The following LGI2 variants were observed in gnomAD, a reference collection of about 807,000 sequenced individuals.
LGI2 encodes the protein leucine rich repeat LGI family member 2.
LGI2 carries 30 observed loss-of-function variants against 52.0 expected under a neutral mutation model. The ratio of observed to expected loss-of-function variants is 0.58; its 90% CI spans 0.43 to 0.78. The LOEUF (loss-of-function observed/expected upper bound fraction) is 0.78, where lower values mean the gene tolerates loss of function less well. Among genes scored for constraint, LGI2 ranks in the 30% least tolerant of loss-of-function variants. LGI2 has a pLI of 0.00. For synonymous variants in LGI2, 270 were observed against 271.8 expected (o/e 0.99, Z 0.06); for missense variants, 573 against 692.5 (o/e 0.83, Z 1.94).
Position 25,012,432 on chromosome 4 carries a change from A to G in LGI2, c.723T>C (p.Asp241=). The change falls in exon 7 of 8, where the codon GAT becomes GAC. Residue 241 remains aspartate (D), a synonymous_variant. Coordinates refer to ENST00000382114, the MANE Select transcript of LGI2 (RefSeq NM_018176.4). ...TGGGCTGCGCGATGGCCACGTACACATCGTTCTTGGAGTTGAACGTATCCA... is the reference window on the plus strand; with the variant it reads ...TGGGCTGCGCGATGGCCACGTACACGTCGTTCTTGGAGTTGAACGTATCCA... ...VSVDTFNSKN[D]VYVAIAQPSM... The G allele has an allele frequency of 1.9e-6, 3 of 1,614,230 alleles. No individual in the cohort carries two copies. The highest frequency in any genetic ancestry group is 2.5e-6 in the Non-Finnish European group (3 of 1,180,024).
rs1725199954 is a variant in LGI2 at position 25,000,385 on chromosome 4, GAAT to G, written c.*3063_*3065del. On this transcript the variant is annotated 3_prime_UTR_variant, in exon 8 of 8. Coordinates refer to ENST00000382114, the MANE Select transcript of LGI2 (RefSeq NM_018176.4). ...GTCTATTTCCTTCTCTCTGAAATTA[GAAT>G]AATACCTGCCCTGCAATAAACTTCA... 1 of 152,600 alleles carries G rather than the reference GAAT, an allele frequency of 6.6e-6. No individual in the cohort carries two copies. The highest frequency in any genetic ancestry group is 1.5e-5 in the Non-Finnish European group (1 of 68,398). 9.5% of individuals were successfully genotyped at this position (152,600 alleles called of 1,614,324 possible). A position where few individuals can be genotyped will look rare whatever the true frequency, so the allele number is the denominator to read the frequency against.
chr4:25,027,687 T>C (rs763438449), intron 2 of LGI2, among the ~76,000 whole-genome samples: 3 of 152,244 alleles, frequency 2.0e-5, no homozygotes, highest in Non-Finnish European at 4.4e-5. Context: ...AATTTTTCTA[T>C]AGCACATTGC....
chr4:24,992,394 C>T, the LGI2 span, among the ~76,000 whole-genome samples: 6 of 152,064 alleles, frequency 3.9e-5, no homozygotes, highest in Admixed American at 6.5e-5. Flanking sequence ...TGGCTACTCA[C>T]GGGTAAGTGG....
intron 7 of LGI2, among the ~76,000 whole-genome samples, chr4:25,005,263 TG>T (rs1725362416): frequency 6.6e-6 from 1 of 152,170 alleles, no homozygotes; most frequent in Non-Finnish European, 1.5e-5. Flanking sequence ...TACTAAAACA[TG>T]GTTAAGACAG....
rs1215690421 is a variant in LGI2, at chr4:25,030,704, C to A, written c.-11G>T. 7.8e-7 allele frequency: 1 copy of A among 1,289,586 alleles called. No individual in the cohort carries two copies. The highest frequency in any genetic ancestry group is 2.4e-5 in the South Asian group (1 of 41,486). 79.9% of individuals were successfully genotyped at this position (1,289,586 alleles called of 1,614,324 possible). On this transcript the variant is annotated 5_prime_UTR_variant, in exon 1 of 8. Transcript: ENST00000382114. Reference sequence around the variant, plus strand: ...TCTCCGCAGCGCCATGCCCGGTCCCCGCTCCCCGCCCGGGCCCCGACCCCC... The same window carrying A: ...TCTCCGCAGCGCCATGCCCGGTCCCAGCTCCCCGCCCGGGCCCCGACCCCC...
In LGI2 at chr4:24,999,620, T is replaced by C; in HGVS notation, c.*3831A>G. The C allele has an allele frequency of 3.1e-6, 1 of 318,964 alleles. No homozygotes were observed. Among genetic ancestry groups the C allele is most frequent in the Non-Finnish European group, 6.2e-6 (1 of 162,494 alleles). The allele number at this position is 318,964 out of a possible 1,614,324, so 19.8% of individuals were successfully genotyped here. On this transcript the variant is annotated 3_prime_UTR_variant, in exon 8 of 8. Coordinates refer to ENST00000382114, the MANE Select transcript of LGI2 (RefSeq NM_018176.4). ...AGGAAGCCAGCTTAAGAGGTTTTCT[T>C]TAGGTGGCATGCAAATAGACTCCCC...
In LGI2 at chr4:25,019,172, A is replaced by C. The variant is rs148808491; in HGVS notation, c.480T>G (p.Ile160Met). 10 of 1,591,198 alleles carry C rather than the reference A, an allele frequency of 6.3e-6. No homozygotes were observed. Among genetic ancestry groups the C allele is most frequent in the Non-Finnish European group, 8.6e-6 (10 of 1,161,280 alleles). ...AACTAAATTTCATTACTTACAGTTC[A>C]ATCAGAGAGTCTAAATCACTGAAGA... The part of the protein sequence containing the change: ...RDVFSDLDSL[I>M]ELDLRGNKFE... Residue 160 changes from isoleucine to methionine, a missense_variant, in exon 5 of 8, where the codon ATT (isoleucine) becomes ATG (methionine). Physicochemically the swap from Ile to Met is conservative, Grantham distance 10. Transcript: ENST00000382114.
intron 7 of LGI2, among the ~76,000 whole-genome samples, chr4:25,006,352 T>C (rs74193819): frequency 0.048 from 7,239 of 152,264 alleles, 250 homozygotes; most frequent in East Asian, 0.1. Flanking sequence ...GATCACTCCA[T>C]TAAAGGTTAT....
intron 2 of LGI2, among the ~76,000 whole-genome samples, chr4:25,028,074 G>A (rs187542422): frequency 4.6e-5 from 7 of 152,270 alleles, no homozygotes; most frequent in South Asian, 4.1e-4. Flanking sequence ...ATAAAATTAC[G>A]CACGTAAGTT....
intron 2 of LGI2, among the ~76,000 whole-genome samples, chr4:25,027,620 G>T (rs1221260359): frequency 1.3e-5 from 2 of 152,152 alleles, no homozygotes; most frequent in African/African-American, 4.8e-5. Context: ...AAGAACAAAA[G>T]TATCAAGAGT....
In LGI2 at chr4:25,001,469, T is replaced by C. The variant is rs1725236721; in HGVS notation, c.*1982A>G. ...GCAACAGAAAGAATAGCTTGCCATC[T>C]TTAGGACTGGAGGAATGGCAAAGCT... On this transcript the variant is annotated 3_prime_UTR_variant, in exon 8 of 8. Coordinates refer to ENST00000382114, the MANE Select transcript of LGI2 (RefSeq NM_018176.4). The C allele has an allele frequency of 1.3e-5, 2 of 152,204 alleles. No homozygotes were observed. The highest frequency in any genetic ancestry group is 2.9e-5 in the Non-Finnish European group (2 of 68,044). 9.4% of individuals were successfully genotyped at this position (152,204 alleles called of 1,614,324 possible). A position where few individuals can be genotyped will look rare whatever the true frequency, so the allele number is the denominator to read the frequency against.
chr4:24,992,807 C>G, the LGI2 span, among the ~76,000 whole-genome samples: 1 of 152,156 alleles, frequency 6.6e-6, no homozygotes, highest in Admixed American at 6.5e-5. Context: ...ACCCCTCACC[C>G]CACTGCCACA....
chr4:25,026,360 G>T (rs895724369), intron 3 of LGI2, among the ~76,000 whole-genome samples: 2 of 151,888 alleles, frequency 1.3e-5, no homozygotes, highest in East Asian at 1.9e-4. Flanking sequence ...AGGGAAAAAT[G>T]ACCTTTTTTT....
At chr4:25,012,271 C>T in intron 7 of LGI2, 64 bp downstream of exon 7, 2 of 1,576,802 alleles carry the variant, frequency 1.3e-6, no homozygotes, top group African/African-American at 1.3e-5. Flanking sequence ...GGACATTCCT[C>T]CTCCCGCGGG....
chr4:25,030,374 G>C (rs1387369241), intron 1 of LGI2, 123 bp downstream of exon 1: 7 of 1,055,134 alleles, frequency 6.6e-6, no homozygotes, highest in Non-Finnish European at 4.1e-6. Context: ...CCCACACAAA[G>C]GCAAAGAAGG....
At chr4:25,026,362 C>A (rs1428810251) in intron 3 of LGI2, among the ~76,000 whole-genome samples, 1 of 151,774 alleles carries the variant, frequency 6.6e-6, no homozygotes, top group East Asian at 1.9e-4. Flanking sequence ...GGAAAAATGA[C>A]CTTTTTTTAA....
At chr4:25,023,420 C>G (rs186689192) in intron 4 of LGI2, among the ~76,000 whole-genome samples, 4 of 152,330 alleles carry the variant, frequency 2.6e-5, no homozygotes, top group Admixed American at 2.0e-4. Context: ...CCGGTATCAA[C>G]TATGCTGACA....
intron 1 of LGI2, 65 bp downstream of exon 1, chr4:25,030,432 C>G: frequency 3.9e-6 from 6 of 1,520,366 alleles, no homozygotes; most frequent in Non-Finnish European, 5.3e-6. Context: ...CCAGAGGCAA[C>G]TCCCTCGCGG....
chr4:25,019,929 C>T (rs756302275), intron 4 of LGI2, among the ~76,000 whole-genome samples: 2 of 152,202 alleles, frequency 1.3e-5, no homozygotes, highest in African/African-American at 2.4e-5. Context: ...GCTGTATCCC[C>T]AGTTCCTAGA....
Sources: gnomAD v4.1 joint callset for allele counts (sites outside exome capture counted in the v4.1 genomes callset) on GRCh38, gnomAD v4.1.1 for gene constraint, MANE v1.5 for transcripts, NCBI Gene and HGNC (gene_info 2026-07-23, HGNC 2026-07-21) for gene names.